The following SEC11A variants were observed in gnomAD, a reference collection of about 807,000 sequenced individuals.
SEC11A encodes the protein signal peptidase complex catalytic subunit SEC11A.
A neutral mutation model predicts 25.6 loss-of-function variants in SEC11A; 14 were observed. The ratio of observed to expected loss-of-function variants is 0.55; its 90% CI spans 0.36 to 0.85. The LOEUF is 0.85. Among genes scored for constraint, SEC11A ranks in the 40% least tolerant of loss-of-function variants. The pLI, the probability that SEC11A is intolerant of heterozygous loss-of-function variation, is 0.01. For missense variants in SEC11A, 153 were observed against 222.9 expected (o/e 0.69, Z 2.00); for synonymous variants, 83 against 76.4 (o/e 1.09, Z -0.45).
At chr15:84,694,398 TG>T (rs1897698208) in intron 1 of SEC11A, among the ~76,000 whole-genome samples, 1 of 152,082 alleles carries the variant, frequency 6.6e-6, no homozygotes, top group South Asian at 2.1e-4. Flanking sequence ...TTGTTATATT[TG>T]GGGGTGTAAT....
At chr15:84,673,430 G>GAAAAA in intron 4 of SEC11A, 7 of 143,902 alleles carry the variant, frequency 4.9e-5, no homozygotes, top group Non-Finnish European at 9.4e-5. Flanking sequence ...TCTGCCTTGG[G>GAAAAA]AAAAAAAAAA....
intron 1 of SEC11A, among the ~76,000 whole-genome samples, chr15:84,702,218 T>G (rs62021217): frequency 2.6e-5 from 4 of 151,770 alleles, no homozygotes; most frequent in Admixed American, 1.3e-4. Context: ...CCCAGCACTT[T>G]GGGAGGCCGA....
intron 2 of SEC11A, among the ~76,000 whole-genome samples, chr15:84,688,431 G>C (rs1897493774): frequency 6.6e-6 from 1 of 152,172 alleles, no homozygotes; most frequent in African/African-American, 2.4e-5. Context: ...CTTCTACAGA[G>C]TATCTTCTTA....
intron 5 of SEC11A, 152 bp from the exon 6 acceptor site, chr15:84,670,221 A>T (rs1896946507): frequency 5.1e-6 from 3 of 593,420 alleles, no homozygotes; most frequent in Non-Finnish European, 8.2e-6. Flanking sequence ...AAAGTTTCCA[A>T]TACTAAGCAA....
At chr15:84,679,152 T>C in intron 4 of SEC11A, 1 of 498,668 alleles carries the variant, frequency 2.0e-6, no homozygotes, top group Non-Finnish European at 3.2e-6. Flanking sequence ...TTCTTATGTT[T>C]CTACATGAAT....
intron 1 of SEC11A, among the ~76,000 whole-genome samples, chr15:84,694,081 G>C (rs1382283261): frequency 6.6e-6 from 1 of 152,088 alleles, no homozygotes; most frequent in Admixed American, 6.6e-5. Context: ...GAAGCCAGGT[G>C]CAGTGGCTCA....
At chr15:84,690,272 A>G (rs532264020) in intron 2 of SEC11A, among the ~76,000 whole-genome samples, 1 of 152,290 alleles carries the variant, frequency 6.6e-6, no homozygotes, top group South Asian at 2.1e-4. Context: ...GTTCCCCTGC[A>G]AAAGCTCTCT....
At chr15:84,697,654 TACTC>T (rs997987116) in intron 1 of SEC11A, among the ~76,000 whole-genome samples, 3 of 152,208 alleles carry the variant, frequency 2.0e-5, no homozygotes, top group Non-Finnish European at 4.4e-5. Flanking sequence ...CAACAGTCTT[TACTC>T]AAACGTCAAA....
chr15:84,691,815 C>T (rs937167647), intron 1 of SEC11A, among the ~76,000 whole-genome samples, 171 bp from the exon 2 acceptor site: 15 of 152,098 alleles, frequency 9.9e-5, no homozygotes, highest in Non-Finnish European at 1.9e-4. Context: ...AAAACAGGCC[C>T]CCCTTCTTTC....
intron 4 of SEC11A, among the ~76,000 whole-genome samples, chr15:84,679,577 GA>G (rs1897231139): frequency 6.6e-6 from 1 of 152,248 alleles, no homozygotes; most frequent in African/African-American, 2.4e-5. Flanking sequence ...AAAAGGAGCA[GA>G]GGTTCTGACA....
At chr15:84,689,693 C>T (rs971766046) in intron 2 of SEC11A, among the ~76,000 whole-genome samples, 16 of 151,402 alleles carry the variant, frequency 1.1e-4, no homozygotes, top group African/African-American at 3.2e-4. Flanking sequence ...CTGCAATCTC[C>T]GCCTCCTAGG....
chr15:84,684,094 T>G (rs1390150905), intron 3 of SEC11A, among the ~76,000 whole-genome samples: 1 of 152,200 alleles, frequency 6.6e-6, no homozygotes. Flanking sequence ...TCCATCTGCA[T>G]GGGAAAAGCA....
chr15:84,692,331 C>T (rs1897636734), intron 1 of SEC11A, among the ~76,000 whole-genome samples: 1 of 152,056 alleles, frequency 6.6e-6, no homozygotes, highest in African/African-American at 2.4e-5. Context: ...CACACCCGGC[C>T]CTCTATTACT....
At position 84,695,493 on chromosome 15, in the gene SEC11A, G is replaced by A. The variant is rs541635569; in HGVS notation, c.52-3849C>T. 2.9e-3 allele frequency among the ~76,000 whole-genome samples: 444 copies of A among 151,998 alleles called. 2 individuals are homozygous for A. The highest frequency in any genetic ancestry group is 4.1e-3 in the Non-Finnish European group (278 of 67,946). The stretch of plus-strand genomic sequence containing the variant: ...AAAAAAAAAGAAAAATTAGCTGGGT[G>A]TGGTGGTGCATGCCTGTAGTCCCAG... On this transcript the variant is annotated intron_variant, in intron 1 of 5. Coordinates refer to ENST00000268220, the MANE Select transcript of SEC11A (RefSeq NM_014300.4).
chr15:84,687,869 T>G (rs1897476684), intron 2 of SEC11A, 95 bp from the exon 3 acceptor site: 1 of 1,071,174 alleles, frequency 9.3e-7, no homozygotes, highest in Non-Finnish European at 1.3e-6. Flanking sequence ...AATATCACTT[T>G]GGGAGTATAC....
chr15:84,693,612 C>A (rs1273497277), intron 1 of SEC11A, among the ~76,000 whole-genome samples: 1 of 151,922 alleles, frequency 6.6e-6, no homozygotes, highest in Non-Finnish European at 1.5e-5. Context: ...GGGCATGCAT[C>A]ATCACGCCCG....
At chr15:84,699,783 G>GAC (rs374197436) in intron 1 of SEC11A, among the ~76,000 whole-genome samples, 12 of 150,308 alleles carry the variant, frequency 8.0e-5, no homozygotes, top group Non-Finnish European at 1.2e-4. Context: ...AAAAAACAAA[G>GAC]ACACACACAC....
At chr15:84,684,626 T>A (rs1387034280) in intron 3 of SEC11A, among the ~76,000 whole-genome samples, 1 of 152,104 alleles carries the variant, frequency 6.6e-6, no homozygotes, top group Non-Finnish European at 1.5e-5. Context: ...TTAAGAACAA[T>A]GTTAATACTA....
intron 1 of SEC11A, among the ~76,000 whole-genome samples, chr15:84,713,290 A>AG (rs1356398039): frequency 6.6e-6 from 1 of 152,154 alleles, no homozygotes; most frequent in Non-Finnish European, 1.5e-5. Flanking sequence ...GAAAAAAAAA[A>AG]CAAAAACTCA....
Sources: allele counts gnomAD v4.1 joint callset (sites outside exome capture counted in the v4.1 genomes callset), GRCh38; gene constraint gnomAD v4.1.1; transcripts MANE v1.5; gene names NCBI Gene and HGNC (gene_info 2026-07-23, HGNC 2026-07-21).